The following NTM variants were observed in gnomAD, a reference collection of about 807,000 sequenced individuals.
NTM encodes neurotrimin.
Under a neutral mutation model 42.1 loss-of-function variants are expected in NTM, and 13 were observed. That is an observed-to-expected ratio of 0.31 (90% CI 0.20 to 0.49). The LOEUF is 0.49. NTM is among the 20% of genes least tolerant of loss of function. NTM has a pLI of 0.99. For synonymous variants in NTM, 187 were observed against 179.2 expected (o/e 1.04, Z -0.35); for missense variants, 373 against 452.8 (o/e 0.82, Z 1.60).
At chr11:131,455,675 C>T (rs764553559) in intron 1 of NTM, among the ~76,000 whole-genome samples, 11 of 152,092 alleles carry the variant, frequency 7.2e-5, no homozygotes, top group Admixed American at 1.3e-4. Flanking sequence ...TTGTATTATA[C>T]GAGGGGTCTG....
chr11:131,495,009 T>C (rs1446178315), intron 1 of NTM, among the ~76,000 whole-genome samples: 1 of 152,198 alleles, frequency 6.6e-6, no homozygotes, highest in Non-Finnish European at 1.5e-5. Context: ...TTCAAGGGTA[T>C]TTGGAGGAAA....
At chr11:131,956,255 G>A (rs1029396851) in intron 2 of NTM, among the ~76,000 whole-genome samples, 3 of 152,120 alleles carry the variant, frequency 2.0e-5, no homozygotes, top group African/African-American at 7.2e-5. Context: ...TGAATGGCAG[G>A]GAGAAGCTGG....
intron 4 of NTM, among the ~76,000 whole-genome samples, chr11:132,295,578 A>G (rs182896162): frequency 1.8e-4 from 28 of 152,352 alleles, no homozygotes; most frequent in Middle Eastern, 3.4e-3. Context: ...CAGAGCAGTG[A>G]TTGCTGGGAT....
At chr11:132,151,292 G>A (rs190029449) in intron 3 of NTM, among the ~76,000 whole-genome samples, 185 of 152,306 alleles carry the variant, frequency 1.2e-3, no homozygotes, top group African/African-American at 4.3e-3. Context: ...AGGACAGCTT[G>A]AGAAGACGTC....
chr11:131,819,891 G>C (rs1011903832), intron 1 of NTM, among the ~76,000 whole-genome samples: 3 of 152,182 alleles, frequency 2.0e-5, no homozygotes, highest in African/African-American at 7.2e-5. Context: ...TGCTGTGGAC[G>C]TGTGGGCCGC....
chr11:131,835,406 A>T (rs187092322), intron 1 of NTM, among the ~76,000 whole-genome samples: 136 of 152,324 alleles, frequency 8.9e-4, no homozygotes, highest in African/African-American at 3.0e-3. Context: ...TACAAATAAA[A>T]AATATAAAGA....
intron 2 of NTM, among the ~76,000 whole-genome samples, chr11:132,081,722 TAAA>T (rs543753433): frequency 8.6e-5 from 11 of 127,996 alleles, no homozygotes; most frequent in African/African-American, 8.7e-5. Flanking sequence ...AGACTCCATC[TAAA>T]AAAAAAAAAA....
chr11:131,857,425 C>T (rs1432660884), intron 1 of NTM, among the ~76,000 whole-genome samples: 1 of 152,186 alleles, frequency 6.6e-6, no homozygotes, highest in Non-Finnish European at 1.5e-5. Context: ...TCTCCAGCTT[C>T]CCATTCAGTG....
chr11:131,919,691 G>T (rs1161430377), intron 2 of NTM, among the ~76,000 whole-genome samples: 1 of 151,954 alleles, frequency 6.6e-6, no homozygotes, highest in Admixed American at 6.5e-5. Flanking sequence ...AAAATGAGAT[G>T]ACACACACAA....
At chr11:131,921,132 C>CTG (rs2057160269) in intron 2 of NTM, among the ~76,000 whole-genome samples, 1 of 152,206 alleles carries the variant, frequency 6.6e-6, no homozygotes, top group Admixed American at 6.5e-5. Flanking sequence ...AATTTTGTCC[C>CTG]ATCTCCCCAC....
chr11:131,417,285 G>C (rs1947054804), intron 1 of NTM, among the ~76,000 whole-genome samples: 1 of 152,110 alleles, frequency 6.6e-6, no homozygotes, highest in Non-Finnish European at 1.5e-5. Flanking sequence ...TGTGGGCTCA[G>C]GGCTAACTCT....
chr11:131,454,894 C>G (rs1379073738), intron 1 of NTM, among the ~76,000 whole-genome samples: 1 of 152,018 alleles, frequency 6.6e-6, no homozygotes, highest in Non-Finnish European at 1.5e-5. Context: ...AACTGTCAGG[C>G]TTAAGCCCTG....
chr11:131,605,376 G>C (rs112520444), intron 1 of NTM, among the ~76,000 whole-genome samples: 7 of 152,134 alleles, frequency 4.6e-5, no homozygotes, highest in Non-Finnish European at 8.8e-5. Context: ...GTGTAGAAAA[G>C]TGTGATTTAT....
intron 2 of NTM, among the ~76,000 whole-genome samples, chr11:131,948,114 C>A (rs2060543899): frequency 6.6e-6 from 1 of 152,076 alleles, no homozygotes; most frequent in Non-Finnish European, 1.5e-5. Context: ...GTAATCCCAG[C>A]ACTTTGGGAG....
In NTM at chr11:132,153,906, T is replaced by C. The variant is rs185395031; in HGVS notation, c.400+7392T>C. 2.6e-3 allele frequency among the ~76,000 whole-genome samples: 395 copies of C among 152,322 alleles called. 1 individual carries two copies. Among genetic ancestry groups the C allele is most frequent in the African/African-American group, 9.1e-3 (380 of 41,574 alleles). On this transcript the variant is annotated intron_variant, in intron 3 of 8. Coordinates refer to ENST00000683400, the MANE Select transcript of NTM (RefSeq NM_001352005.2). Reference sequence around the variant, plus strand: ...CTATGAATACATTGAAATGGAGTAATTGAATTTACCTGCAAGATTAGACAA... The same window carrying C: ...CTATGAATACATTGAAATGGAGTAACTGAATTTACCTGCAAGATTAGACAA...
At chr11:131,780,438 T>C (rs2087866425) in intron 1 of NTM, among the ~76,000 whole-genome samples, 1 of 152,070 alleles carries the variant, frequency 6.6e-6, no homozygotes, top group Non-Finnish European at 1.5e-5. Flanking sequence ...ATTTTGGACA[T>C]GTGGAGTTTG....
At chr11:132,234,214 G>T (rs1246269032) in intron 4 of NTM, among the ~76,000 whole-genome samples, 1 of 152,182 alleles carries the variant, frequency 6.6e-6, no homozygotes, top group African/African-American at 2.4e-5. Flanking sequence ...GGGGAAGTTT[G>T]TTTTTGGATA....
intron 1 of NTM, among the ~76,000 whole-genome samples, chr11:131,602,946 T>C (rs2060618943): frequency 6.6e-6 from 1 of 152,162 alleles, no homozygotes; most frequent in Non-Finnish European, 1.5e-5. Context: ...AATCAAACTT[T>C]CCTCTTCATC....
At chr11:131,951,955 A>C (rs1442501613) in intron 2 of NTM, among the ~76,000 whole-genome samples, 1 of 152,006 alleles carries the variant, frequency 6.6e-6, no homozygotes, top group Admixed American at 6.6e-5. Context: ...GCTATTTGTT[A>C]GTAGATAGTA....
Sources: allele counts gnomAD v4.1 joint callset (sites outside exome capture counted in the v4.1 genomes callset), GRCh38; gene constraint gnomAD v4.1.1; transcripts MANE v1.5; gene names NCBI Gene and HGNC (gene_info 2026-07-23, HGNC 2026-07-21).